ITGB8: variants seen among roughly 807,000 people sequenced by gnomAD.
The protein encoded by ITGB8 is integrin beta-8.
ITGB8 carries 30 observed loss-of-function variants against 89.5 expected under a neutral mutation model. The ratio of observed to expected loss-of-function variants is 0.34; its 90% CI spans 0.25 to 0.45. The LOEUF (loss-of-function observed/expected upper bound fraction) is 0.45. ITGB8 is among the 20% of genes least tolerant of loss of function. The pLI is 1.00. For missense variants in ITGB8, 836 were observed against 933.3 expected, an observed-to-expected ratio of 0.90 and a Z score of 1.36; for synonymous variants, 335 against 320.4, an observed-to-expected ratio of 1.05 and a Z score of -0.49.
chr7:20,388,514 G>T (rs1786720233), intron 6 of ITGB8, among the ~76,000 whole-genome samples: 3 of 152,172 alleles, frequency 2.0e-5, no homozygotes, highest in Admixed American at 2.0e-4. Flanking sequence ...TTAAACATCT[G>T]TTATACATTT....
In ITGB8 at chr7:20,414,251, A is replaced by G. The variant is rs868821388; in HGVS notation, c.*4254A>G. Reference sequence around the variant, plus strand: ...AATATGAAGGCGAAATTTAAGGACAACTGAGTCACGCACAACTCAACATGG... The same window carrying G: ...AATATGAAGGCGAAATTTAAGGACAGCTGAGTCACGCACAACTCAACATGG... On this transcript the variant is annotated 3_prime_UTR_variant, in exon 14 of 14. Transcript: ENST00000222573. The G allele has an allele frequency of 2.0e-5, 3 of 152,118 alleles. No homozygotes were observed. Among genetic ancestry groups the G allele is most frequent in the African/African-American group, 4.8e-5 (2 of 41,442 alleles). The allele number at this position is 152,118 out of a possible 1,614,324, so 9.4% of individuals were successfully genotyped here. A position where few individuals can be genotyped will look rare whatever the true frequency, so the allele number is the denominator to read the frequency against.
chr7:20,343,593 G>A (rs927428065), intron 1 of ITGB8, among the ~76,000 whole-genome samples: 1 of 152,162 alleles, frequency 6.6e-6, no homozygotes, highest in African/African-American at 2.4e-5. Flanking sequence ...AAAAATTCAG[G>A]ATGGAGAAGC....
intron 6 of ITGB8, 166 bp downstream of exon 6, chr7:20,382,051 C>T (rs181811251): frequency 5.0e-5 from 26 of 519,088 alleles, no homozygotes; most frequent in African/African-American, 4.5e-4. Flanking sequence ...TCTATAAATA[C>T]TGATCAATAA....
At chr7:20,337,759 G>C (rs920060919) in intron 1 of ITGB8, among the ~76,000 whole-genome samples, 5 of 152,182 alleles carry the variant, frequency 3.3e-5, no homozygotes, top group African/African-American at 4.8e-5. Context: ...GGAAGGTTCA[G>C]CTCTAGCTGT....
intron 1 of ITGB8, among the ~76,000 whole-genome samples, chr7:20,357,817 T>C (rs1785349828): frequency 6.6e-6 from 1 of 152,160 alleles, no homozygotes; most frequent in South Asian, 2.1e-4. Flanking sequence ...TGTAAGACAA[T>C]GAGAAAATAT....
chr7:20,407,976 A>G lies in ITGB8; in HGVS notation c.2024-1639A>G, dbSNP rs529476083. On this transcript the variant is annotated intron_variant, in intron 12 of 13. Coordinates refer to ENST00000222573, the MANE Select transcript of ITGB8 (RefSeq NM_002214.3). Reference sequence around the variant, plus strand: ...AGGGGCTGCCCCTCCCTTCACAACTATTGTGCAAGGAGAGGGAAAGGGCAT... The same window carrying G: ...AGGGGCTGCCCCTCCCTTCACAACTGTTGTGCAAGGAGAGGGAAAGGGCAT... Among the ~76,000 whole-genome samples the G allele has an allele frequency of 2.0e-5, 3 of 152,260 alleles. No homozygotes were observed. In the East Asian group the frequency reaches 5.8e-4, roughly 29 times the overall value.
chr7:20,341,275 G>C (rs548617060), intron 1 of ITGB8, among the ~76,000 whole-genome samples: 3 of 152,104 alleles, frequency 2.0e-5, no homozygotes, highest in Non-Finnish European at 4.4e-5. Context: ...ATGACAGATG[G>C]GGCACAATTT....
chr7:20,394,847 C>G (rs1787006138), intron 7 of ITGB8, 49 bp from the exon 8 acceptor site: 1 of 1,235,160 alleles, frequency 8.1e-7, no homozygotes, highest in Admixed American at 1.7e-5. Context: ...GGTTGCTAAC[C>G]CATTACATAC....
chr7:20,380,268 TATC>T (rs1217013567), intron 4 of ITGB8: 3 of 160,572 alleles, frequency 1.9e-5, no homozygotes, highest in Non-Finnish European at 2.7e-5. Flanking sequence ...AAAAAACTAA[TATC>T]ATATTTCAAC....
chr7:20,331,853 T>C lies in ITGB8; in HGVS notation c.47T>C (p.Leu16Pro), dbSNP rs1358724377. 1.2e-6 allele frequency: 2 copies of C among 1,613,950 alleles called. No individual in the cohort carries two copies. The highest frequency in any genetic ancestry group is 1.7e-6 in the Non-Finnish European group (2 of 1,180,036). ...TTTTTTACCGCTGCATTTGTCTGCC[T>C]GCAAAACGACCGGCGAGGTCCCGCC... The part of the protein sequence containing the change: ...LAFFTAAFVC[L>P]QNDRRGPASF... Residue 16 changes from leucine to proline, a missense_variant, in exon 1 of 14, where the codon CTG becomes CCG. By Grantham distance (98) the Leu-to-Pro change is moderately conservative. Coordinates refer to ENST00000222573, the MANE Select transcript of ITGB8 (RefSeq NM_002214.3).
rs1786860105 is a variant in ITGB8, at chr7:20,391,594, A to C, written c.1056+96A>C. The C allele has an allele frequency of 6.7e-6, 4 of 597,512 alleles. No homozygotes were observed. The South Asian group carries it at 1.1e-4, about 16-fold the overall frequency. The allele number at this position is 597,512 out of a possible 1,614,324, so 37.0% of individuals were successfully genotyped here. On this transcript the variant is annotated intron_variant, in intron 7 of 13. Coordinates refer to ENST00000222573, the MANE Select transcript of ITGB8 (RefSeq NM_002214.3). ...AACCACAGATAAGGATTCTGGAATT[A>C]TTATACTTTGTACAATCTAAATTCT...
At chr7:20,395,588 G>C (rs373609998) in intron 8 of ITGB8, among the ~76,000 whole-genome samples, 74 of 152,302 alleles carry the variant, frequency 4.9e-4, no homozygotes, top group Admixed American at 6.5e-4. Context: ...AGAATTTAAA[G>C]AAACATCTGT....
intron 1 of ITGB8, among the ~76,000 whole-genome samples, chr7:20,360,348 A>ATTTTTTTTTTTTTTTTTT (rs71020629): frequency 1.6e-5 from 2 of 127,718 alleles, no homozygotes; most frequent in Non-Finnish European, 3.2e-5. Context: ...CAGTCCTTTA[A>ATTTTTTTTTTTTTTTTTT]TTTTTTTTTT....
chr7:20,343,269 C>A (rs1243528564), intron 1 of ITGB8, among the ~76,000 whole-genome samples: 2 of 152,178 alleles, frequency 1.3e-5, no homozygotes, highest in African/African-American at 4.8e-5. Flanking sequence ...AGTAACCTAA[C>A]AATACTGTGT....
At chr7:20,394,675 GCA>G (rs755517703) in intron 7 of ITGB8, among the ~76,000 whole-genome samples, 1 of 152,184 alleles carries the variant, frequency 6.6e-6, no homozygotes, top group Non-Finnish European at 1.5e-5. Flanking sequence ...GATTCCGGAT[GCA>G]CACACAGTCA....
chr7:20,372,744 A>G (rs540976737), intron 3 of ITGB8, among the ~76,000 whole-genome samples: 2 of 152,200 alleles, frequency 1.3e-5, no homozygotes, highest in African/African-American at 4.8e-5. Flanking sequence ...TTGAATTTCT[A>G]TGTGCAAATT....
chr7:20,346,069 C>G (rs1353444191), intron 1 of ITGB8, among the ~76,000 whole-genome samples: 1 of 152,070 alleles, frequency 6.6e-6, no homozygotes, highest in East Asian at 1.9e-4. Context: ...ATGTAAGTTA[C>G]AAGTGTCAAA....
intron 3 of ITGB8, among the ~76,000 whole-genome samples, chr7:20,372,632 C>T (rs1007099549): frequency 3.9e-5 from 6 of 151,994 alleles, no homozygotes; most frequent in African/African-American, 1.2e-4. Flanking sequence ...GGTAAGTGAA[C>T]GCAGTGGGGA....
At chr7:20,336,437 G>A (rs1041769531) in intron 1 of ITGB8, among the ~76,000 whole-genome samples, 1 of 152,152 alleles carries the variant, frequency 6.6e-6, no homozygotes, top group Admixed American at 6.5e-5. Context: ...AGACCCTAAC[G>A]CATTCAAAAC....
Sources: gnomAD v4.1 joint callset for allele counts (sites outside exome capture counted in the v4.1 genomes callset) on GRCh38, gnomAD v4.1.1 for gene constraint, MANE v1.5 for transcripts, NCBI Gene and HGNC (gene_info 2026-07-23, HGNC 2026-07-21) for gene names.